Variants in ST7 observed in about 807,000 individuals in gnomAD.
ST7 encodes the protein suppressor of tumorigenicity 7 protein.
ST7 carries 28 observed loss-of-function variants against 78.7 expected under a neutral mutation model. That is an observed-to-expected ratio of 0.36 (90% CI 0.26 to 0.49). The LOEUF (loss-of-function observed/expected upper bound fraction) is 0.49, where lower values mean the gene tolerates loss of function less well. Among genes scored for constraint, ST7 ranks in the 20% least tolerant of loss-of-function variants. ST7 has a pLI of 0.99. For missense variants in ST7, 418 were observed against 696.0 expected, an observed-to-expected ratio of 0.60 and a Z score of 4.49; for synonymous variants, 247 against 249.6, an observed-to-expected ratio of 0.99 and a Z score of 0.10.
In ST7 at chr7:117,061,743, G is replaced by A. The variant is rs192430681; in HGVS notation, c.152-38019G>A. On this transcript the variant is annotated intron_variant, in intron 1 of 15. Transcript: ENST00000323984. ...ATAGAGAGGGACACTGACATTAAAA[G>A]GAAATGTGTAGCCATTACTGTGCCA... Among the ~76,000 whole-genome samples, 110 of 152,220 alleles carry A rather than the reference G, an allele frequency of 7.2e-4. 1 individual carries two copies. The highest frequency in any genetic ancestry group is 2.4e-4 in the Non-Finnish European group (16 of 68,018).
chr7:117,141,189 C>T (rs180760564), intron 9 of ST7, among the ~76,000 whole-genome samples: 1 of 152,286 alleles, frequency 6.6e-6, no homozygotes, highest in Admixed American at 6.5e-5. Context: ...TAAGACACAG[C>T]CATCTTCTCC....
chr7:116,969,151 T>G (rs925560283), intron 1 of ST7, among the ~76,000 whole-genome samples: 1 of 152,236 alleles, frequency 6.6e-6, no homozygotes, highest in African/African-American at 2.4e-5. Flanking sequence ...ACTTTCCTTG[T>G]TTTTGATAAC....
intron 9 of ST7, among the ~76,000 whole-genome samples, chr7:117,139,274 C>T (rs1805063498): frequency 6.6e-6 from 1 of 152,096 alleles, no homozygotes; most frequent in South Asian, 2.1e-4. Flanking sequence ...TATTTATAGG[C>T]TATTTTCTTT....
chr7:117,044,770 C>G (rs1797405531), intron 1 of ST7, among the ~76,000 whole-genome samples: 1 of 152,170 alleles, frequency 6.6e-6, no homozygotes, highest in Admixed American at 6.5e-5. Context: ...TTAGTCTCAC[C>G]TCTCTAAACA....
chr7:117,137,843 G>A (rs1042135437), intron 8 of ST7, among the ~76,000 whole-genome samples: 4 of 152,082 alleles, frequency 2.6e-5, no homozygotes, highest in Non-Finnish European at 4.4e-5. Flanking sequence ...TTTAGTGATT[G>A]TTGTTACAAC....
intron 1 of ST7, among the ~76,000 whole-genome samples, chr7:117,006,443 G>A (rs1175810334): frequency 2.0e-5 from 3 of 152,172 alleles, no homozygotes. Flanking sequence ...GCATTGCTAG[G>A]CATTAGATGT....
At chr7:117,002,631 A>G (rs2116452963) in intron 1 of ST7, among the ~76,000 whole-genome samples, 1 of 113,968 alleles carries the variant, frequency 8.8e-6, no homozygotes, top group Admixed American at 1.1e-4. Context: ...TAAGGATTGT[A>G]GTTGAGGCTG....
At chr7:117,132,532 G>C (rs1804446330) in intron 6 of ST7, among the ~76,000 whole-genome samples, 1 of 151,654 alleles carries the variant, frequency 6.6e-6, no homozygotes, top group South Asian at 2.1e-4. Flanking sequence ...AAAAACTCAG[G>C]GTTGGCAGAG....
intron 1 of ST7, among the ~76,000 whole-genome samples, chr7:117,034,963 G>A (rs917903960): frequency 1.3e-5 from 2 of 152,032 alleles, no homozygotes; most frequent in Non-Finnish European, 2.9e-5. Context: ...TTGTGTAAGG[G>A]TGATCCGGAA....
intron 3 of ST7, among the ~76,000 whole-genome samples, chr7:117,125,815 G>T (rs1378031418): frequency 6.6e-6 from 1 of 151,906 alleles, no homozygotes; most frequent in African/African-American, 2.4e-5. Flanking sequence ...TTTAAAAATT[G>T]TTTCTTTAGT....
chr7:117,158,760 G>T (rs1806901159), intron 9 of ST7, among the ~76,000 whole-genome samples: 1 of 152,114 alleles, frequency 6.6e-6, no homozygotes, highest in Admixed American at 6.5e-5. Flanking sequence ...TCATTCTTCT[G>T]TTCATGGCCC....
chr7:117,001,230 C>T (rs1313446905), intron 1 of ST7, among the ~76,000 whole-genome samples: 1 of 152,182 alleles, frequency 6.6e-6, no homozygotes, highest in East Asian at 1.9e-4. Context: ...AAGTAGTATT[C>T]GCCTGCCTCC....
At chr7:116,983,001 C>T (rs576021042) in intron 1 of ST7, among the ~76,000 whole-genome samples, 3 of 152,196 alleles carry the variant, frequency 2.0e-5, no homozygotes, top group South Asian at 4.1e-4. Flanking sequence ...CAGGTTCAAG[C>T]GATTCTCCTG....
At position 117,115,512 on chromosome 7, in the gene ST7, G is replaced by A. The variant is rs544871720; in HGVS notation, c.235-4049G>A. 7.0e-4 allele frequency among the ~76,000 whole-genome samples: 107 copies of A among 152,016 alleles called. 2 individuals are homozygous for A. The South Asian group carries it at 0.015, about 22-fold the overall frequency. ...TGGGATGACAGGCACCCACCACCAC[G>A]CCTGGCTAATTTTTATATTTTTGTA... On this transcript the variant is annotated intron_variant, in intron 2 of 15. Coordinates refer to ENST00000323984, the MANE Select transcript of ST7 (RefSeq NM_001369598.1).
At chr7:117,133,150 T>A (rs1284793816) in intron 6 of ST7, among the ~76,000 whole-genome samples, 1 of 151,968 alleles carries the variant, frequency 6.6e-6, no homozygotes, top group East Asian at 1.9e-4. Flanking sequence ...ATTCCTTTAA[T>A]AATCCATTAG....
chr7:117,216,151 C>G (rs756958210), intron 13 of ST7, among the ~76,000 whole-genome samples: 1 of 152,034 alleles, frequency 6.6e-6, no homozygotes, highest in East Asian at 1.9e-4. Context: ...GAAAATGTGT[C>G]TGGTCAGGGA....
chr7:116,982,374 AC>A, intron 1 of ST7, among the ~76,000 whole-genome samples: 1 of 151,852 alleles, frequency 6.6e-6, no homozygotes, highest in East Asian at 1.9e-4. Flanking sequence ...ACGGGCATGC[AC>A]CATCACGCCC....
intron 1 of ST7, among the ~76,000 whole-genome samples, chr7:117,019,596 C>T (rs1795779025): frequency 6.6e-6 from 1 of 152,152 alleles, no homozygotes; most frequent in South Asian, 2.1e-4. Context: ...AAATATATTC[C>T]TAGAGCAGCG....
chr7:117,027,446 GAAAAGTAAAGTAAAGT>G (rs1355340269), intron 1 of ST7, among the ~76,000 whole-genome samples: 2 of 151,386 alleles, frequency 1.3e-5, no homozygotes, highest in African/African-American at 4.9e-5. Flanking sequence ...TCTCAAAAGT[GAAAAGTAAAGTAAAGT>G]AAAAGTAAAG....
Sources: allele counts gnomAD v4.1 joint callset (sites outside exome capture counted in the v4.1 genomes callset), GRCh38; gene constraint gnomAD v4.1.1; transcripts MANE v1.5; gene names NCBI Gene and HGNC (gene_info 2026-07-23, HGNC 2026-07-21).